Variants in LGR6 observed in about 807,000 individuals in gnomAD.
LGR6 encodes leucine rich repeat containing G protein-coupled receptor 6, also known as leucine-rich repeat-containing G protein-coupled receptor 6.
LGR6 carries 45 observed loss-of-function variants against 69.4 expected under a neutral mutation model. That is an observed-to-expected ratio of 0.65 (90% CI 0.51 to 0.83). The LOEUF (loss-of-function observed/expected upper bound fraction) is 0.83, where lower values mean the gene tolerates loss of function less well. Ranked by LOEUF, LGR6 falls within the 40% of genes least tolerant of loss-of-function variation. LGR6 has a pLI of 0.00. For synonymous variants in LGR6, 538 were observed against 555.0 expected (o/e 0.97, Z 0.43); for missense variants, 1,108 against 1,246.7 (o/e 0.89, Z 1.68).
chr1:202,233,777 G>C (rs1312260737), intron 3 of LGR6, among the ~76,000 whole-genome samples: 1 of 152,178 alleles, frequency 6.6e-6, no homozygotes, highest in Non-Finnish European at 1.5e-5. Context: ...CTCTGTGTGA[G>C]ACACTGCCAT....
At chr1:202,252,172 C>T (rs1006467071) in intron 4 of LGR6, among the ~76,000 whole-genome samples, 1 of 152,146 alleles carries the variant, frequency 6.6e-6, no homozygotes, top group African/African-American at 2.4e-5. Context: ...TGTCCCTATA[C>T]CCTGCTCTCT....
chr1:202,200,639 G>T (rs1188926171), intron 1 of LGR6, among the ~76,000 whole-genome samples: 1 of 152,178 alleles, frequency 6.6e-6, no homozygotes, highest in South Asian at 2.1e-4. Context: ...TGACCTGGGG[G>T]CTTCTGAGAA....
intron 4 of LGR6, among the ~76,000 whole-genome samples, chr1:202,266,771 C>T (rs1284262162): frequency 6.6e-6 from 1 of 152,004 alleles, no homozygotes; most frequent in East Asian, 1.9e-4. Flanking sequence ...CATGAATGTC[C>T]CCTCTTTACT....
chr1:202,202,940 G>T (rs1230180085), intron 1 of LGR6, among the ~76,000 whole-genome samples: 1 of 152,156 alleles, frequency 6.6e-6, no homozygotes, highest in Non-Finnish European at 1.5e-5. Flanking sequence ...GTCTTCCATT[G>T]CACCAGTGTC....
chr1:202,209,494 G>A (rs1378780790), intron 1 of LGR6, among the ~76,000 whole-genome samples: 1 of 152,248 alleles, frequency 6.6e-6, no homozygotes, highest in Non-Finnish European at 1.5e-5. Context: ...TGGGGAGCGG[G>A]CAGAGTTGAT....
intron 4 of LGR6, among the ~76,000 whole-genome samples, chr1:202,247,568 G>A (rs1423928020): frequency 6.6e-6 from 1 of 152,156 alleles, no homozygotes; most frequent in African/African-American, 2.4e-5. Context: ...AGACTGGTTT[G>A]GTTGTGGACC....
At chr1:202,297,705 C>T in intron 7 of LGR6, 129 bp downstream of exon 7, 1 of 686,736 alleles carries the variant, frequency 1.5e-6, no homozygotes, top group Admixed American at 3.0e-5. Context: ...AGCTGTCCCC[C>T]ACCCTCCCGC....
At chr1:202,248,502 T>C (rs1193079300) in intron 4 of LGR6, among the ~76,000 whole-genome samples, 1 of 152,092 alleles carries the variant, frequency 6.6e-6, no homozygotes, top group Non-Finnish European at 1.5e-5. Context: ...CTGACACCTG[T>C]TTTGAGACTT....
intron 1 of LGR6, among the ~76,000 whole-genome samples, chr1:202,215,881 GTGGCCT>G (rs1659745730): frequency 6.6e-6 from 1 of 152,194 alleles, no homozygotes; most frequent in African/African-American, 2.4e-5. Context: ...ACAGGATCGT[GTGGCCT>G]CACTTTGTGA....
At position 202,276,495 on chromosome 1, in the gene LGR6, C is replaced by T. The variant is rs774969433; in HGVS notation, c.618C>T (p.Phe206=). Residue 206 remains phenylalanine, a synonymous_variant, in exon 5 of 18, where the codon TTC becomes TTT. Transcript: ENST00000367278. ...TCAGCCACATCCCCGACTACGCGTTCCAGAATCTCACCAGCCTTGTGGTGC... is the reference window on the plus strand; with the variant it reads ...TCAGCCACATCCCCGACTACGCGTTTCAGAATCTCACCAGCCTTGTGGTGC... The part of the protein sequence containing the change: ...NRISHIPDYA[F]QNLTSLVVLH... 2 of 1,613,962 alleles carry T rather than the reference C, an allele frequency of 1.2e-6. No individual in the cohort carries two copies. The highest frequency in any genetic ancestry group is 1.7e-6 in the Non-Finnish European group (2 of 1,179,988).
intron 4 of LGR6, among the ~76,000 whole-genome samples, chr1:202,239,184 G>T (rs2148013277): frequency 6.6e-6 from 1 of 152,268 alleles, no homozygotes; most frequent in Non-Finnish European, 1.5e-5. Flanking sequence ...CTGTCTTGCT[G>T]GCGTACGCAA....
At chr1:202,260,574 T>G (rs1390372791) in intron 4 of LGR6, among the ~76,000 whole-genome samples, 1 of 152,238 alleles carries the variant, frequency 6.6e-6, no homozygotes, top group Non-Finnish European at 1.5e-5. Flanking sequence ...CATCCGCCTG[T>G]CTTGGCTTCC....
chr1:202,236,526 T>C (rs1292626941), intron 4 of LGR6, among the ~76,000 whole-genome samples: 1 of 152,152 alleles, frequency 6.6e-6, no homozygotes, highest in Admixed American at 6.5e-5. Context: ...GTTCCCTTCT[T>C]GTCCAGCAGG....
At chr1:202,315,904 C>A (rs1356576592) in intron 17 of LGR6, among the ~76,000 whole-genome samples, 1 of 152,176 alleles carries the variant, frequency 6.6e-6, no homozygotes, top group Non-Finnish European at 1.5e-5. Context: ...CCTCTGAAAA[C>A]CAGTAATCAG....
At chr1:202,198,335 C>T (rs1419177645) in intron 1 of LGR6, among the ~76,000 whole-genome samples, 13 of 152,210 alleles carry the variant, frequency 8.5e-5, no homozygotes. Context: ...ACTTAGTTTC[C>T]TCACCTGTAA....
At chr1:202,279,315 G>T (rs1348891190) in intron 5 of LGR6, among the ~76,000 whole-genome samples, 1 of 152,156 alleles carries the variant, frequency 6.6e-6, no homozygotes, top group South Asian at 2.1e-4. Flanking sequence ...GAGCAGGTGG[G>T]TAAGGATGGG....
intron 4 of LGR6, among the ~76,000 whole-genome samples, chr1:202,263,208 C>T (rs987425970): frequency 2.0e-4 from 31 of 152,140 alleles, no homozygotes; most frequent in South Asian, 6.2e-4. Flanking sequence ...CTGCAACCTC[C>T]GCCTCCCGGG....
At chr1:202,251,538 C>T (rs1262728118) in intron 4 of LGR6, among the ~76,000 whole-genome samples, 1 of 152,076 alleles carries the variant, frequency 6.6e-6, no homozygotes, top group African/African-American at 2.4e-5. Flanking sequence ...GCCTCAGATC[C>T]CTCCCACCCG....
chr1:202,217,758 G>A (rs1162390390), intron 1 of LGR6, among the ~76,000 whole-genome samples: 1 of 151,950 alleles, frequency 6.6e-6, no homozygotes, highest in African/African-American at 2.4e-5. Context: ...GCCACTCCAG[G>A]CAGTCTGGGA....
Sources: gnomAD v4.1 joint callset for allele counts (sites outside exome capture counted in the v4.1 genomes callset) on GRCh38, gnomAD v4.1.1 for gene constraint, MANE v1.5 for transcripts, NCBI Gene and HGNC (gene_info 2026-07-23, HGNC 2026-07-21) for gene names.